The following VKORC1L1 variants were observed in gnomAD, a reference collection of about 807,000 sequenced individuals.
VKORC1L1 encodes the protein vitamin K epoxide reductase complex subunit 1L1.
A neutral mutation model predicts 18.9 loss-of-function variants in VKORC1L1; 2 were observed. The observed-to-expected ratio is 0.11, with a 90% CI of 0.04 to 0.33. The LOEUF (loss-of-function observed/expected upper bound fraction) is 0.33. Among genes scored for constraint, VKORC1L1 ranks in the 10% least tolerant of loss-of-function variants. VKORC1L1 has a pLI of 1.00. For synonymous variants in VKORC1L1, 96 were observed against 100.0 expected, an observed-to-expected ratio of 0.96 and a Z score of 0.24; for missense variants, 123 against 224.1, an observed-to-expected ratio of 0.55 and a Z score of 2.88.
chr7:65,874,458 A>G (rs1788791584), intron 1 of VKORC1L1, among the ~76,000 whole-genome samples: 1 of 151,888 alleles, frequency 6.6e-6, no homozygotes, highest in Non-Finnish European at 1.5e-5. Context: ...TCTGCCTTCC[A>G]AAGTGCTGGG....
intron 1 of VKORC1L1, among the ~76,000 whole-genome samples, chr7:65,908,469 C>T (rs954616604): frequency 1.2e-4 from 18 of 151,934 alleles, no homozygotes; most frequent in African/African-American, 4.4e-4. Context: ...AATCTGTTGA[C>T]ACAAATTCAA....
intron 1 of VKORC1L1, among the ~76,000 whole-genome samples, chr7:65,914,255 C>T (rs1329663262): frequency 6.6e-6 from 1 of 152,144 alleles, no homozygotes; most frequent in African/African-American, 2.4e-5. Flanking sequence ...CATCATACCA[C>T]CATGCCCAAC....
In VKORC1L1 at chr7:65,949,221, T is replaced by G. The variant is rs144461527; in HGVS notation, c.304+441T>G. On this transcript the variant is annotated intron_variant, in intron 2 of 2. Transcript: ENST00000360768. ...TGGGCTGGGTGCGGTGGTGCACACC[T>G]GTAATCCCAGCACTTAGGGAGGCCA... Among the ~76,000 whole-genome samples the G allele has an allele frequency of 7.5e-3, 1,138 of 152,258 alleles. 16 individuals are homozygous for G. The highest frequency in any genetic ancestry group is 0.026 in the African/African-American group (1,069 of 41,532).
chr7:65,917,472 A>G (rs1273345174), intron 1 of VKORC1L1, among the ~76,000 whole-genome samples: 1 of 152,204 alleles, frequency 6.6e-6, no homozygotes, highest in Non-Finnish European at 1.5e-5. Context: ...AGTAACCTGC[A>G]GTTTGCCAGA....
intron 1 of VKORC1L1, among the ~76,000 whole-genome samples, chr7:65,918,059 A>C (rs1351720759): frequency 6.6e-6 from 1 of 152,166 alleles, no homozygotes; most frequent in African/African-American, 2.4e-5. Flanking sequence ...ATGAGCTTTG[A>C]TACTTTGCTA....
At chr7:65,936,855 C>T (rs1383994085) in intron 1 of VKORC1L1, among the ~76,000 whole-genome samples, 1 of 152,196 alleles carries the variant, frequency 6.6e-6, no homozygotes, top group Admixed American at 6.5e-5. Context: ...TGACTGGCTT[C>T]ACCCGAAGAG....
At chr7:65,905,033 A>G (rs903992972) in intron 1 of VKORC1L1, among the ~76,000 whole-genome samples, 1 of 152,148 alleles carries the variant, frequency 6.6e-6, no homozygotes, top group Admixed American at 6.5e-5. Flanking sequence ...ATGTATACAT[A>G]TAGGTATGTA....
intron 1 of VKORC1L1, among the ~76,000 whole-genome samples, chr7:65,910,612 T>G (rs1176944109): frequency 6.6e-6 from 1 of 152,230 alleles, no homozygotes; most frequent in Non-Finnish European, 1.5e-5. Flanking sequence ...CACCATCATC[T>G]TTGGATAGCA....
At chr7:65,900,632 A>G (rs575414435) in intron 1 of VKORC1L1, among the ~76,000 whole-genome samples, 47 of 151,932 alleles carry the variant, frequency 3.1e-4, no homozygotes, top group African/African-American at 1.1e-3. Context: ...GTGAAACCCC[A>G]TCTCTACTAA....
In VKORC1L1 at chr7:65,933,077, CAAAA is replaced by C. The variant is rs59403784; in HGVS notation, c.195-15574_195-15571del. ...TGGGCAACAGAATAAGACTTCGTCT[CAAAA>C]AAAAAAAAAAAAAAAAAAAGTGTGT... is the stretch of plus-strand genomic sequence containing the variant. On this transcript the variant is annotated intron_variant, in intron 1 of 2. Transcript: ENST00000360768. 6.1e-3 allele frequency among the ~76,000 whole-genome samples: 400 copies of C among 65,334 alleles called. 2 individuals are homozygous for C. The highest frequency in any genetic ancestry group is 0.022 in the African/African-American group (375 of 17,166). 42.9% of individuals were successfully genotyped at this position (65,334 alleles called of 152,430 possible). A position where few individuals can be genotyped will look rare whatever the true frequency, so the allele number is the denominator to read the frequency against.
chr7:65,879,855 C>A (rs1241340480), intron 1 of VKORC1L1, among the ~76,000 whole-genome samples: 2 of 109,126 alleles, frequency 1.8e-5, no homozygotes, highest in Non-Finnish European at 3.9e-5. Context: ...TCTTTTCTTT[C>A]TTCTTTAACT....
At chr7:65,927,148 A>C (rs1180363769) in intron 1 of VKORC1L1, among the ~76,000 whole-genome samples, 1 of 152,118 alleles carries the variant, frequency 6.6e-6, no homozygotes, top group Non-Finnish European at 1.5e-5. Context: ...ATTGCTGGGC[A>C]TAGTAGTGGG....
In VKORC1L1 at chr7:65,914,150, C is replaced by T. The variant is rs375016823; in HGVS notation, c.195-34521C>T. ...TTTAATTTTTTGAGGCAGGGTCTCACTCTGTCACCCAGACTGGAGTGCAGT... is the reference window on the plus strand; with the variant it reads ...TTTAATTTTTTGAGGCAGGGTCTCATTCTGTCACCCAGACTGGAGTGCAGT... On this transcript the variant is annotated intron_variant, in intron 1 of 2. Transcript: ENST00000360768. 5.5e-4 allele frequency among the ~76,000 whole-genome samples: 84 copies of T among 152,302 alleles called. 1 individual carries two copies. The highest frequency in any genetic ancestry group is 2.0e-3 in the African/African-American group (84 of 41,582).
At chr7:65,918,830 C>T (rs1789629593) in intron 1 of VKORC1L1, among the ~76,000 whole-genome samples, 2 of 152,108 alleles carry the variant, frequency 1.3e-5, no homozygotes. Context: ...CGCGGTGGCT[C>T]CCATCTGTAA....
At chr7:65,939,161 A>G (rs1789993849) in intron 1 of VKORC1L1, among the ~76,000 whole-genome samples, 1 of 152,226 alleles carries the variant, frequency 6.6e-6, no homozygotes, top group Admixed American at 6.5e-5. Context: ...CAGTGGCAAG[A>G]AAAGGGTCTT....
intron 1 of VKORC1L1, among the ~76,000 whole-genome samples, chr7:65,910,186 A>G (rs1188310555): frequency 1.3e-5 from 2 of 152,280 alleles, no homozygotes; most frequent in African/African-American, 4.8e-5. Context: ...CTGTTCTGTA[A>G]TTCAAATTTC....
intron 1 of VKORC1L1, among the ~76,000 whole-genome samples, chr7:65,922,262 C>T (rs1237339624): frequency 6.6e-6 from 1 of 150,820 alleles, no homozygotes; most frequent in Admixed American, 6.6e-5. Flanking sequence ...GTGCTTCTGT[C>T]TAGGATCATG....
At chr7:65,879,304 A>G (rs1046797023) in intron 1 of VKORC1L1, among the ~76,000 whole-genome samples, 2 of 152,120 alleles carry the variant, frequency 1.3e-5, no homozygotes, top group African/African-American at 4.8e-5. Context: ...AATTCTTAAC[A>G]TTATCATTGT....
intron 1 of VKORC1L1, among the ~76,000 whole-genome samples, chr7:65,945,382 C>T (rs1237378776): frequency 2.0e-5 from 3 of 152,020 alleles, no homozygotes; most frequent in Admixed American, 6.6e-5. Context: ...GAGGCCGAGG[C>T]GGGCAGATCA....
Sources: allele counts gnomAD v4.1 joint callset (sites outside exome capture counted in the v4.1 genomes callset), GRCh38; gene constraint gnomAD v4.1.1; transcripts MANE v1.5; gene names NCBI Gene and HGNC (gene_info 2026-07-23, HGNC 2026-07-21).